KIF1C: variants seen among roughly 807,000 people sequenced by gnomAD.
KIF1C encodes kinesin-like protein KIF1C.
A neutral mutation model predicts 126.5 loss-of-function variants in KIF1C; 61 were observed. The ratio of observed to expected loss-of-function variants is 0.48; its 90% CI spans 0.39 to 0.60. The LOEUF (loss-of-function observed/expected upper bound fraction) is 0.60, where lower values mean the gene tolerates loss of function less well. Ranked by LOEUF, KIF1C falls within the 20% of genes least tolerant of loss-of-function variation. The probability of loss-of-function intolerance (pLI) is 0.00; values close to 1 mark genes in which losing one functional copy is unlikely to be tolerated. For synonymous variants in KIF1C, 640 were observed against 580.6 expected (o/e 1.10, Z -1.47); for missense variants, 1,315 against 1,489.2 (o/e 0.88, Z 1.93).
In KIF1C at chr17:5,028,024, C is replaced by T. The variant is rs542429846; in HGVS notation, c.*3873C>T. On this transcript the variant is annotated 3_prime_UTR_variant, in exon 23 of 23. Coordinates refer to ENST00000320785, the MANE Select transcript of KIF1C (RefSeq NM_006612.6). ...CGCTTAGAATCCATGGGGCCTTCTC[C>T]TCAAATTCAATCTTCCCAGGCATTT... is the stretch of plus-strand genomic sequence containing the variant. 7.9e-5 allele frequency: 12 copies of T among 152,206 alleles called. No homozygotes were observed. The highest frequency in any genetic ancestry group is 1.5e-4 in the Non-Finnish European group (10 of 68,018). 9.4% of individuals were successfully genotyped at this position (152,206 alleles called of 1,614,324 possible).
At chr17:5,002,355 A>G (rs1325851482) in intron 6 of KIF1C, 109 bp from the exon 7 acceptor site, 27 of 1,128,230 alleles carry the variant, frequency 2.4e-5, no homozygotes, top group Middle Eastern at 4.5e-4. Context: ...AATGCTTCGC[A>G]CTGTGTATTA....
chr17:5,015,892 G>A (rs1974961597), intron 18 of KIF1C, among the ~76,000 whole-genome samples: 1 of 152,014 alleles, frequency 6.6e-6, no homozygotes, highest in South Asian at 2.1e-4. Flanking sequence ...CACTGCACCT[G>A]CTGAGGTGTA....
intron 16 of KIF1C, 73 bp from the exon 17 acceptor site, chr17:5,013,580 C>T: frequency 9.1e-7 from 1 of 1,102,016 alleles, no homozygotes; most frequent in Non-Finnish European, 1.4e-6. Context: ...GTGTCTCCTC[C>T]CACCGCTCCC....
rs754938138 is a variant in KIF1C at position 5,002,611 on chromosome 17, G to A, written c.577G>A (p.Ala193Thr). 2.5e-6 allele frequency: 4 copies of A among 1,613,640 alleles called. No homozygotes were observed. The Admixed American group carries it at 6.7e-5, about 27-fold the overall frequency. The change falls in exon 7 of 23, where the codon GCT becomes ACT. Residue 193 changes from alanine (A) to threonine (T), a missense_variant. Around this residue, in one of 2 missense-constraint regions of KIF1C, gnomAD observed 874 missense variants for 1,053.2 expected, o/e 0.83. Coordinates refer to ENST00000320785, the MANE Select transcript of KIF1C (RefSeq NM_006612.6). ...GGCTGTGACCTCCTACGCAGACATT[G>A]CTGACCTCATGGACTGTGGAAATAA... is the stretch of plus-strand genomic sequence containing the variant. Reference protein sequence around the residue: ...KLAVTSYADIADLMDCGNKAR... With the variant: ...KLAVTSYADITDLMDCGNKAR...
rs1013911002 is a variant in KIF1C, at chr17:5,024,368, GAT to G, written c.*219_*220del. 15 of 446,288 alleles carry G rather than the reference GAT, an allele frequency of 3.4e-5. No homozygotes were observed. The highest frequency in any genetic ancestry group is 3.1e-4 in the African/African-American group (15 of 48,900). 27.6% of individuals were successfully genotyped at this position (446,288 alleles called of 1,614,324 possible). ...AGGAGCAAACCAAAGTGAAGAGAGA[GAT>G]AGGAAGCTGCCTCGGGGCCACCCCT... On this transcript the variant is annotated 3_prime_UTR_variant, in exon 23 of 23. Transcript: ENST00000320785.
Position 5,003,531 on chromosome 17 carries a change from A to G in KIF1C, c.721-81A>G, listed in dbSNP as rs146046154. 2.4e-3 allele frequency: 2,448 copies of G among 1,001,326 alleles called. 37 individuals are homozygous for G. The African/African-American group carries it at 0.034, about 14-fold the overall frequency. The allele number at this position is 1,001,326 out of a possible 1,614,324, so 62.0% of individuals were successfully genotyped here. ...TCTCTAGCCCTTGCCAGCTGCCCAC[A>G]TTCCTGCTGGGTGCTTCCCTGATTT... On this transcript the variant is annotated intron_variant, in intron 8 of 22. Transcript: ENST00000320785.
chr17:5,020,556 G>A lies in KIF1C; in HGVS notation c.1815G>A (p.Leu605=), dbSNP rs78356534. Residue 605 remains leucine (L), a synonymous_variant, in exon 20 of 23, where the codon CTG becomes CTA. Coordinates refer to ENST00000320785, the MANE Select transcript of KIF1C (RefSeq NM_006612.6). The surrounding 1 kb of genome is among the most constrained non-coding windows in gnomAD (Gnocchi z 5.8). ...TCAACCACCCGGAGCAGGCAAGGCT[G>A]GAACGGGAACGAGGGGTCCCCCCAC... ...FRFNHPEQAR[L]ERERGVPPPP... The A allele has an allele frequency of 5.2e-3, 8,375 of 1,614,222 alleles. 37 individuals are homozygous for A. The highest frequency in any genetic ancestry group is 0.011 in the Middle Eastern group (65 of 6,062).
Position 5,000,361 on chromosome 17 carries a change from G to C in KIF1C, c.106+9G>C, listed in dbSNP as rs1274396104. ...GCAGGGCAACACCACCTGTGAGTGAGTCCCCGGGGCCTGGCTGGGCACAGG... is the reference window on the plus strand; with the variant it reads ...GCAGGGCAACACCACCTGTGAGTGACTCCCCGGGGCCTGGCTGGGCACAGG... On this transcript the variant is annotated intron_variant, in intron 3 of 22. Transcript: ENST00000320785. 3 of 1,555,158 alleles carry C rather than the reference G, an allele frequency of 1.9e-6. No individual in the cohort carries two copies. In the Admixed American group the frequency reaches 5.6e-5, roughly 29 times the overall value.
chr17:5,020,717 GCCGTCCCTC>G lies in KIF1C; in HGVS notation c.1937+43_1937+51del. On this transcript the variant is annotated intron_variant, in intron 20 of 22. Coordinates refer to ENST00000320785, the MANE Select transcript of KIF1C (RefSeq NM_006612.6). This position sits in a 1 kb window ranked among gnomAD's most constrained non-coding sequence, Gnocchi z 5.8. ...ACCCACGTGCCCCATGGCCGTCTAG[GCCGTCCCTC>G]CCGGGCCTCTGGGCCCGTGTCCTCC... 1.2e-6 allele frequency: 2 copies of G among 1,611,188 alleles called. No homozygotes were observed. Among genetic ancestry groups the G allele is most frequent in the Non-Finnish European group, 1.7e-6 (2 of 1,178,000 alleles).
chr17:5,021,804 G>A (rs367880651), intron 21 of KIF1C, among the ~76,000 whole-genome samples: 3 of 151,970 alleles, frequency 2.0e-5, no homozygotes, highest in African/African-American at 7.3e-5. Context: ...CTTGCACAAA[G>A]TTCCACACTC....
intron 13 of KIF1C, among the ~76,000 whole-genome samples, chr17:5,005,454 G>A (rs574756798): frequency 4.6e-4 from 70 of 152,288 alleles, no homozygotes; most frequent in African/African-American, 1.6e-3. Context: ...CAAATCAGAG[G>A]ATGTGTAATC....
chr17:5,002,159 G>T (rs758334099), intron 6 of KIF1C, 35 bp downstream of exon 6: 2 of 1,585,528 alleles, frequency 1.3e-6, no homozygotes, highest in Non-Finnish European at 1.7e-6. Flanking sequence ...GCTGAGAGGG[G>T]TCCAGACTGC....
chr17:5,000,903 C>T (rs944642682), intron 4 of KIF1C, 55 bp downstream of exon 4: 7 of 1,526,008 alleles, frequency 4.6e-6, no homozygotes, highest in Non-Finnish European at 5.5e-6. Context: ...GGATTTAGGT[C>T]CTGGGGAGGG....
At position 5,002,392 on chromosome 17, in the gene KIF1C, T is replaced by C. The variant is rs755507027; in HGVS notation, c.430-72T>C. The C allele has an allele frequency of 3.1e-4, 429 of 1,387,452 alleles. 2 individuals carry two copies. The highest frequency in any genetic ancestry group is 9.0e-5 in the Non-Finnish European group (90 of 1,002,226). The allele number at this position is 1,387,452 out of a possible 1,614,324, so 85.9% of individuals were successfully genotyped here. On this transcript the variant is annotated intron_variant, in intron 6 of 22. Coordinates refer to ENST00000320785, the MANE Select transcript of KIF1C (RefSeq NM_006612.6). ...CTGCAGTCACCTGGATCGTGTCCAG[T>C]GGAGTCAGATTAAGTTGCGTTGTCA...
intron 4 of KIF1C, 26 bp from the exon 5 acceptor site, chr17:5,001,192 CTGTT>C: frequency 1.2e-6 from 2 of 1,609,038 alleles, no homozygotes; most frequent in Non-Finnish European, 1.7e-6. Context: ...CAGGGTTACT[CTGTT>C]TTTCTCTGCC....
chr17:5,009,795 A>G (rs1325150166), intron 16 of KIF1C, among the ~76,000 whole-genome samples: 1 of 151,794 alleles, frequency 6.6e-6, no homozygotes, highest in African/African-American at 2.4e-5. Context: ...TCAAAAAAAA[A>G]AAAAAGAAAA....
rs1974621753 is a variant in KIF1C, at chr17:5,002,524, G to T, written c.490G>T (p.Gly164Cys). Residue 164 changes from glycine to cysteine, a missense_variant, in exon 7 of 23, where the codon GGT becomes TGT. Gly to Cys is a radical substitution (Grantham distance 159). Around this residue, in one of 2 missense-constraint regions of KIF1C, gnomAD observed 874 missense variants for 1,053.2 expected, o/e 0.83. Transcript: ENST00000320785. ...AGACCTCTTGAACCCCAAGAGTCGG[G>T]GTTCTCTGCGGGTCCGGGAGCACCC... is the stretch of plus-strand genomic sequence containing the variant. ...VRDLLNPKSRGSLRVREHPIL... is the reference protein window; with the variant it reads ...VRDLLNPKSRCSLRVREHPIL... The T allele has an allele frequency of 6.8e-6, 11 of 1,613,678 alleles. No homozygotes were observed. Among genetic ancestry groups the T allele is most frequent in the Non-Finnish European group, 9.3e-6 (11 of 1,179,764 alleles).
At chr17:5,013,594 C>T in intron 16 of KIF1C, 59 bp from the exon 17 acceptor site, 1 of 1,301,122 alleles carries the variant, frequency 7.7e-7, no homozygotes, top group African/African-American at 1.5e-5. Flanking sequence ...CGCTCCCTTT[C>T]TTCCTTTCTA....
Position 5,023,675 on chromosome 17 carries a change from C to A in KIF1C, c.2836C>A (p.Gln946Lys). Residue 946 changes from glutamine (Q) to lysine (K), a missense_variant, in exon 23 of 23, where the codon CAG (glutamine) becomes AAG (lysine). By Grantham distance (53) the Gln-to-Lys change is moderately conservative. Around this residue, in one of 2 missense-constraint regions of KIF1C, gnomAD observed 441 missense variants for 436.1 expected, o/e 1.01. Coordinates refer to ENST00000320785, the MANE Select transcript of KIF1C (RefSeq NM_006612.6). The surrounding 1 kb of genome is among the most constrained non-coding windows in gnomAD (Gnocchi z 4.2). ...RGRLRWLKQE[Q>K]LRLQGLQGSG... Reference sequence around the variant, plus strand: ...TCGTCTTCGCTGGCTCAAGCAGGAGCAGCTACGGCTGCAGGGACTGCAGGG... The same window carrying A: ...TCGTCTTCGCTGGCTCAAGCAGGAGAAGCTACGGCTGCAGGGACTGCAGGG... 6.2e-7 allele frequency: 1 copy of A among 1,607,042 alleles called. No homozygotes were observed. The highest frequency in any genetic ancestry group is 8.5e-7 in the Non-Finnish European group (1 of 1,176,038).
Sources: allele counts gnomAD v4.1 joint callset (sites outside exome capture counted in the v4.1 genomes callset), GRCh38; gene constraint gnomAD v4.1.1; regional missense constraint gnomAD v4.1.1; non-coding constraint Gnocchi (gnomAD v3.1); transcripts MANE v1.5; gene names NCBI Gene and HGNC (gene_info 2026-07-23, HGNC 2026-07-21).